The following CHMP4B variants were observed in gnomAD, a reference collection of about 807,000 sequenced individuals.
The protein encoded by CHMP4B is charged multivesicular body protein 4B.
Under a neutral mutation model 25.1 loss-of-function variants are expected in CHMP4B, and 1 was observed. That is an observed-to-expected ratio of 0.04 (90% confidence interval 0.01 to 0.19). CHMP4B has a LOEUF of 0.19. Among genes scored for constraint, CHMP4B ranks in the 10% least tolerant of loss-of-function variants. The pLI is 1.00. For missense variants in CHMP4B, 151 were observed against 289.7 expected, an observed-to-expected ratio of 0.52 and a Z score of 3.48; for synonymous variants, 101 against 115.6, an observed-to-expected ratio of 0.87 and a Z score of 0.81.
At chr20:33,841,994 A>G (rs1478316591) in intron 1 of CHMP4B, among the ~76,000 whole-genome samples, 1 of 152,076 alleles carries the variant, frequency 6.6e-6, no homozygotes, top group African/African-American at 2.4e-5. Flanking sequence ...TCTCTGTCTC[A>G]CTGTGCACTG....
intron 1 of CHMP4B, among the ~76,000 whole-genome samples, chr20:33,832,423 A>G (rs112613324): frequency 0.028 from 4,320 of 152,048 alleles, 204 homozygotes; most frequent in African/African-American, 0.099. Flanking sequence ...CCTTCATTCC[A>G]CCCGAGGGCC....
Position 33,853,604 on chromosome 20 carries a change from G to A in CHMP4B, c.*44G>A. On this transcript the variant is annotated 3_prime_UTR_variant, in exon 5 of 5. Transcript: ENST00000217402. ...GGGCCCAGACAGACTGTGGTGGCCT[G>A]CGCAGCGAGCAGGCGTGTGCGTGTG... 6.4e-7 allele frequency: 1 copy of A among 1,570,898 alleles called. No homozygotes were observed. Among genetic ancestry groups the A allele is most frequent in the Non-Finnish European group, 8.8e-7 (1 of 1,140,888 alleles).
chr20:33,852,208 G>GTGC lies in CHMP4B; in HGVS notation c.610+7_610+9dup. On this transcript the variant is annotated splice_donor_region_variant and intron_variant, in intron 4 of 4. Coordinates refer to ENST00000217402, the MANE Select transcript of CHMP4B (RefSeq NM_176812.5). ...TAGCCCTACCATCAAAACCCGGTGA[G>GTGC]TGCTTCTAGAGTCATGGCACACCGT... The GTGC allele has an allele frequency of 6.2e-7, 1 of 1,614,086 alleles. No individual in the cohort carries two copies. The highest frequency in any genetic ancestry group is 1.1e-5 in the South Asian group (1 of 91,078).
intron 1 of CHMP4B, among the ~76,000 whole-genome samples, chr20:33,830,091 G>A (rs1313889323): frequency 2.0e-5 from 3 of 152,224 alleles, no homozygotes; most frequent in Non-Finnish European, 2.9e-5. Flanking sequence ...CACGTGTGGT[G>A]GAGAATGAAG....
At chr20:33,829,219 T>C (rs566702233) in intron 1 of CHMP4B, among the ~76,000 whole-genome samples, 10 of 152,182 alleles carry the variant, frequency 6.6e-5, no homozygotes, top group Non-Finnish European at 1.2e-4. Context: ...GGTATTTATG[T>C]AGACACAGAA....
Position 33,848,528 on chromosome 20 carries a change from C to T in CHMP4B, c.252C>T (p.Gly84=). The T allele has an allele frequency of 6.2e-7, 1 of 1,614,232 alleles. No individual in the cohort carries two copies. Among genetic ancestry groups the T allele is most frequent in the Non-Finnish European group, 8.5e-7 (1 of 1,180,046 alleles). The change falls in exon 2 of 5, where the codon GGC becomes GGT. Residue 84 remains glycine (G), a synonymous_variant. Coordinates refer to ENST00000217402, the MANE Select transcript of CHMP4B (RefSeq NM_176812.5). ...AGAAGCAGCTGGCGCAGATCGACGGCACATTATCAACCATCGAGTTCCAGC... is the reference window on the plus strand; with the variant it reads ...AGAAGCAGCTGGCGCAGATCGACGGTACATTATCAACCATCGAGTTCCAGC... ...RYEKQLAQID[G]TLSTIEFQRE...
At chr20:33,842,930 G>A (rs746691802) in intron 1 of CHMP4B, among the ~76,000 whole-genome samples, 5 of 152,112 alleles carry the variant, frequency 3.3e-5, no homozygotes, top group African/African-American at 7.2e-5. Flanking sequence ...TATACTGAAC[G>A]CCCCCAGATC....
At position 33,823,498 on chromosome 20, in the gene CHMP4B, A is replaced by C. The variant is rs557416770; in HGVS notation, c.190+11840A>C. Among the ~76,000 whole-genome samples, 24 of 152,200 alleles carry C rather than the reference A, an allele frequency of 1.6e-4. No individual in the cohort carries two copies. In the South Asian group the frequency reaches 5.0e-3, roughly 32 times the overall value. The stretch of plus-strand genomic sequence containing the variant: ...GTGATCCTCCCACCTCGGCCTCCTG[A>C]GTAGCTAGAACTATAGGCATGTACC... On this transcript the variant is annotated intron_variant, in intron 1 of 4. Transcript: ENST00000217402.
At chr20:33,835,682 G>A (rs1168405038) in intron 1 of CHMP4B, among the ~76,000 whole-genome samples, 4 of 152,138 alleles carry the variant, frequency 2.6e-5, no homozygotes, top group African/African-American at 9.7e-5. Flanking sequence ...TATTTGTGTT[G>A]CTATTAAAGA....
chr20:33,832,989 A>G (rs561777146), intron 1 of CHMP4B, among the ~76,000 whole-genome samples: 34 of 151,220 alleles, frequency 2.2e-4, no homozygotes, highest in African/African-American at 7.5e-4. Flanking sequence ...GGGTCTTACT[A>G]TGTTGCCTAG....
chr20:33,843,069 T>C (rs895705868), intron 1 of CHMP4B, among the ~76,000 whole-genome samples: 1 of 152,254 alleles, frequency 6.6e-6, no homozygotes, highest in African/African-American at 2.4e-5. Flanking sequence ...AATCACTAGC[T>C]GTTGCCTCAC....
chr20:33,824,372 A>G (rs929402432), intron 1 of CHMP4B, among the ~76,000 whole-genome samples: 3 of 152,088 alleles, frequency 2.0e-5, no homozygotes, highest in Non-Finnish European at 4.4e-5. Flanking sequence ...GATTCCCCCC[A>G]GCTTCAGCAA....
chr20:33,843,760 A>C (rs1023036964), intron 1 of CHMP4B, among the ~76,000 whole-genome samples: 7 of 152,114 alleles, frequency 4.6e-5, no homozygotes, highest in Admixed American at 3.9e-4. Flanking sequence ...GCCCTGTTAC[A>C]CCTCACCACC....
chr20:33,843,840 C>T (rs1279679286), intron 1 of CHMP4B, among the ~76,000 whole-genome samples: 2 of 152,250 alleles, frequency 1.3e-5, no homozygotes, highest in Non-Finnish European at 2.9e-5. Flanking sequence ...TCTGTTTCTG[C>T]AGCCCAGATG....
At chr20:33,853,450 T>C (rs142507853) in intron 4 of CHMP4B, 46 bp from the exon 5 acceptor site, 7 of 1,573,936 alleles carry the variant, frequency 4.4e-6, no homozygotes, top group Non-Finnish European at 6.1e-6. Context: ...CCAGAACATG[T>C]TGAACGCACC....
chr20:33,849,773 A>G (rs1979795723), intron 2 of CHMP4B, among the ~76,000 whole-genome samples: 1 of 151,886 alleles, frequency 6.6e-6, no homozygotes, highest in African/African-American at 2.4e-5. Context: ...TTTGTAAATA[A>G]AGTTTTATTA....
intron 1 of CHMP4B, among the ~76,000 whole-genome samples, chr20:33,837,134 A>G (rs925352628): frequency 2.0e-5 from 3 of 152,194 alleles, no homozygotes; most frequent in Non-Finnish European, 4.4e-5. Context: ...GAAAGGAAGA[A>G]CTGGCCGGGC....
intron 1 of CHMP4B, among the ~76,000 whole-genome samples, chr20:33,812,839 A>C (rs1203469431): frequency 6.6e-6 from 1 of 152,240 alleles, no homozygotes; most frequent in Non-Finnish European, 1.5e-5. Flanking sequence ...AAAATAGCCT[A>C]TCTGGAGGAT....
At position 33,833,514 on chromosome 20, in the gene CHMP4B, C is replaced by G. The variant is rs536383493; in HGVS notation, c.191-14953C>G. Among the ~76,000 whole-genome samples, 244 of 152,286 alleles carry G rather than the reference C, an allele frequency of 1.6e-3. 1 individual carries two copies. The highest frequency in any genetic ancestry group is 5.6e-3 in the African/African-American group (234 of 41,556). On this transcript the variant is annotated intron_variant, in intron 1 of 4. Coordinates refer to ENST00000217402, the MANE Select transcript of CHMP4B (RefSeq NM_176812.5). Reference sequence around the variant, plus strand: ...GCAGTGGTTGCCAGCCCCTTCTCCCCACAGCAGCCAGAGGGATCTTTCTGA... The same window carrying G: ...GCAGTGGTTGCCAGCCCCTTCTCCCGACAGCAGCCAGAGGGATCTTTCTGA...
Sources: allele counts gnomAD v4.1 joint callset (sites outside exome capture counted in the v4.1 genomes callset), GRCh38; gene constraint gnomAD v4.1.1; transcripts MANE v1.5; gene names NCBI Gene and HGNC (gene_info 2026-07-23, HGNC 2026-07-21).